The following UGT2B4 variants were observed in gnomAD, a reference collection of about 807,000 sequenced individuals.
The protein encoded by UGT2B4 is UDP-glucuronosyltransferase 2B4.
Under a neutral mutation model 49.8 loss-of-function variants are expected in UGT2B4, and 49 were observed. The ratio of observed to expected loss-of-function variants is 0.98; its 90% CI spans 0.78 to 1.25. The LOEUF is 1.25. Among genes scored for constraint, UGT2B4 ranks in the 50% most tolerant of loss-of-function variants. The probability of loss-of-function intolerance (pLI) is 0.00; values close to 1 mark genes in which losing one functional copy is unlikely to be tolerated. For missense variants in UGT2B4, 729 were observed against 627.7 expected (o/e 1.16, Z -1.73); for synonymous variants, 246 against 217.7 (o/e 1.13, Z -1.14).
rs770633892 is a variant in UGT2B4, at chr4:69,495,303, G to C, written c.559C>G (p.Leu187Val). The C allele has an allele frequency of 9.3e-6, 15 of 1,613,162 alleles. No homozygotes were observed. The highest frequency in any genetic ancestry group is 1.2e-5 in the Non-Finnish European group (14 of 1,179,718). Residue 187 changes from leucine to valine, a missense_variant, in exon 1 of 6, where the codon CTT becomes GTT. Transcript: ENST00000305107. Reference protein sequence around the residue: ...GYAIEKHSGGLLFPPSYVPVV... With the variant: ...GYAIEKHSGGVLFPPSYVPVV... ...GGCACATAGGAAGGAGGGAACAGAA[G>C]TCCTCCACTATGCTTTTCAATTGCG...
intron 1 of UGT2B4, among the ~76,000 whole-genome samples, chr4:69,515,093 T>A (rs1007792029): frequency 3.3e-5 from 5 of 152,190 alleles, no homozygotes; most frequent in Admixed American, 3.3e-4. Context: ...AACACCCTAC[T>A]AACAGTATTA....
chr4:69,503,247 T>A (rs186618778), intron 1 of UGT2B4, among the ~76,000 whole-genome samples: 186 of 152,280 alleles, frequency 1.2e-3, no homozygotes, highest in African/African-American at 4.4e-3. Flanking sequence ...AGCCTGGCCA[T>A]GACTGCTTAC....
intron 1 of UGT2B4, among the ~76,000 whole-genome samples, chr4:69,506,186 A>T (rs1728462149): frequency 6.6e-6 from 1 of 152,134 alleles, no homozygotes; most frequent in Non-Finnish European, 1.5e-5. Flanking sequence ...AGAGCAAAAA[A>T]AATTCCAAAG....
intron 1 of UGT2B4, among the ~76,000 whole-genome samples, chr4:69,511,007 T>A (rs1577900848): frequency 1.6e-5 from 2 of 125,484 alleles, no homozygotes; most frequent in African/African-American, 5.8e-5. Context: ...TTTTTTTTTT[T>A]GAGACAGTCT....
intron 1 of UGT2B4, among the ~76,000 whole-genome samples, chr4:69,521,225 A>G (rs1462990899): frequency 6.6e-6 from 1 of 152,192 alleles, no homozygotes; most frequent in Non-Finnish European, 1.5e-5. Flanking sequence ...TAATGGTGGG[A>G]CTGAAACATC....
chr4:69,520,751 C>A (rs1451362515), intron 1 of UGT2B4, among the ~76,000 whole-genome samples: 2 of 152,120 alleles, frequency 1.3e-5, no homozygotes, highest in Non-Finnish European at 2.9e-5. Flanking sequence ...GAGGATGGCT[C>A]AGCACCATCC....
intron 5 of UGT2B4, among the ~76,000 whole-genome samples, chr4:69,482,575 T>C (rs1727625047): frequency 1.3e-5 from 2 of 152,202 alleles, no homozygotes; most frequent in African/African-American, 4.8e-5. Flanking sequence ...TACTTGCTTA[T>C]GTAATTAAAT....
At chr4:69,498,130 C>T (rs188687736), upstream of UGT2B4, among the ~76,000 whole-genome samples, 2 of 152,298 alleles carry the variant, frequency 1.3e-5, no homozygotes, top group African/African-American at 4.8e-5. Flanking sequence ...TAATAGACTG[C>T]AGCATTGTGT....
upstream of UGT2B4, among the ~76,000 whole-genome samples, chr4:69,499,443 T>C (rs1728245248): frequency 6.6e-6 from 1 of 152,164 alleles, no homozygotes; most frequent in Non-Finnish European, 1.5e-5. Flanking sequence ...TGAAACTCTG[T>C]CTAATATTGA....
At chr4:69,509,602 C>A (rs1728557685) in intron 1 of UGT2B4, among the ~76,000 whole-genome samples, 1 of 152,096 alleles carries the variant, frequency 6.6e-6, no homozygotes, top group South Asian at 2.1e-4. Flanking sequence ...TTATATTGAG[C>A]ATTTTATCAT....
intron 1 of UGT2B4, among the ~76,000 whole-genome samples, chr4:69,503,209 T>C (rs1231109081): frequency 6.6e-6 from 1 of 152,172 alleles, no homozygotes; most frequent in Non-Finnish European, 1.5e-5. Context: ...TGAGCACTCC[T>C]TGGACTTCTG....
chr4:69,496,062 G>T, upstream of UGT2B4: 5 of 769,938 alleles, frequency 6.5e-6, no homozygotes, highest in Non-Finnish European at 7.1e-6. Context: ...TGCGTTTAAT[G>T]TTCTTTTTGG....
At chr4:69,506,707 T>C (rs1207739887) in intron 1 of UGT2B4, among the ~76,000 whole-genome samples, 1 of 152,114 alleles carries the variant, frequency 6.6e-6, no homozygotes, top group East Asian at 1.9e-4. Context: ...AAGGGACTCC[T>C]CCCTAAGTCA....
chr4:69,480,512 T>TC lies in UGT2B4; in HGVS notation c.*121_*122insG. The TC allele has an allele frequency of 6.9e-7, 1 of 1,454,576 alleles. No homozygotes were observed. The highest frequency in any genetic ancestry group is 2.4e-5 in the Admixed American group (1 of 41,776). The allele number at this position is 1,454,576 out of a possible 1,614,324, so 90.1% of individuals were successfully genotyped here. ...TAAAACAAATTTTGACTTGACAAGG[T>TC]AAGTTTTGAAAGATGTTTTGTCACA... On this transcript the variant is annotated 3_prime_UTR_variant, in exon 6 of 6. Transcript: ENST00000305107.
chr4:69,510,982 CTTTTCTTCTTTTT>C (rs1224159391), intron 1 of UGT2B4, among the ~76,000 whole-genome samples: 3 of 110,956 alleles, frequency 2.7e-5, no homozygotes, highest in Admixed American at 2.2e-4. Context: ...TCTTTCTTTT[CTTTTCTTCTTTTT>C]TTTTTTTTTT....
At chr4:69,513,640 G>A (rs529101481) in intron 1 of UGT2B4, among the ~76,000 whole-genome samples, 2 of 152,248 alleles carry the variant, frequency 1.3e-5, no homozygotes, top group African/African-American at 4.8e-5. Flanking sequence ...AATAAGAATA[G>A]CATTGAATCT....
At chr4:69,499,346 T>C (rs115424055), upstream of UGT2B4, among the ~76,000 whole-genome samples, 436 of 152,280 alleles carry the variant, frequency 2.9e-3, 4 homozygotes, top group African/African-American at 0.01. Flanking sequence ...CTGTTGTCTC[T>C]GGGTGAGGAA....
At chr4:69,486,421 T>G in intron 4 of UGT2B4, 188 bp downstream of exon 4, 1 of 361,064 alleles carries the variant, frequency 2.8e-6, no homozygotes, top group Non-Finnish European at 4.9e-6. Flanking sequence ...GTAAAGAATG[T>G]GGGTGCATAT....
chr4:69,519,689 C>T (rs1317905277), intron 1 of UGT2B4, among the ~76,000 whole-genome samples: 2 of 152,196 alleles, frequency 1.3e-5, no homozygotes, highest in African/African-American at 2.4e-5. Flanking sequence ...GCACCAAGAT[C>T]TTCACCCTAA....
Sources: allele counts gnomAD v4.1 joint callset (sites outside exome capture counted in the v4.1 genomes callset), GRCh38; gene constraint gnomAD v4.1.1; transcripts MANE v1.5; gene names NCBI Gene and HGNC (gene_info 2026-07-23, HGNC 2026-07-21).